ARHGAP18: variants seen among roughly 807,000 people sequenced by gnomAD.
ARHGAP18 encodes rho GTPase-activating protein 18.
A neutral mutation model predicts 86.2 loss-of-function variants in ARHGAP18; 67 were observed. The observed-to-expected ratio is 0.78, with a 90% CI of 0.64 to 0.95. The LOEUF (loss-of-function observed/expected upper bound fraction) is 0.95, where lower values mean the gene tolerates loss of function less well. Among genes scored for constraint, ARHGAP18 ranks in the 40% least tolerant of loss-of-function variants. The pLI, the probability that ARHGAP18 is intolerant of heterozygous loss-of-function variation, is 0.00. For missense variants in ARHGAP18, 691 were observed against 780.4 expected (o/e 0.89, Z 1.37); for synonymous variants, 283 against 280.4 (o/e 1.01, Z -0.09).
In ARHGAP18 at chr6:129,580,322, TTAAAA is replaced by T. The variant is rs375244520; in HGVS notation, c.1839-196_1839-192del. 5.9e-3 allele frequency among the ~76,000 whole-genome samples: 893 copies of T among 152,280 alleles called. 8 individuals carry two copies. The highest frequency in any genetic ancestry group is 0.021 in the African/African-American group (854 of 41,552). On this transcript the variant is annotated intron_variant, in intron 13 of 14. Coordinates refer to ENST00000368149, the MANE Select transcript of ARHGAP18 (RefSeq NM_033515.3). ...GTAATAAAAGTATCACACCTGTAAA[TTAAAA>T]TAAACAAATGGAATTATACATCTGA...
chr6:129,644,319 G>C (rs1773535368), intron 1 of ARHGAP18, among the ~76,000 whole-genome samples: 2 of 152,094 alleles, frequency 1.3e-5, no homozygotes, highest in African/African-American at 4.8e-5. Flanking sequence ...TTTTCTTGTA[G>C]AGTTTTCACT....
chr6:129,695,553 G>T (rs2114550678), intron 1 of ARHGAP18, among the ~76,000 whole-genome samples: 1 of 152,266 alleles, frequency 6.6e-6, no homozygotes, highest in African/African-American at 2.4e-5. Flanking sequence ...AGTTTAAAAG[G>T]GGATTAGTCT....
At chr6:129,662,916 T>G (rs1172549839) in intron 1 of ARHGAP18, among the ~76,000 whole-genome samples, 4 of 152,214 alleles carry the variant, frequency 2.6e-5, no homozygotes, top group Non-Finnish European at 5.9e-5. Context: ...ATGTAAATGT[T>G]AATTAAAATT....
chr6:129,687,886 C>T (rs528462816), intron 1 of ARHGAP18, among the ~76,000 whole-genome samples: 6 of 152,308 alleles, frequency 3.9e-5, no homozygotes, highest in African/African-American at 7.2e-5. Context: ...AACTCACCCA[C>T]GGTCAGTTAA....
chr6:129,629,581 T>C, intron 4 of ARHGAP18, 59 bp from the exon 5 acceptor site: 1 of 1,515,972 alleles, frequency 6.6e-7, no homozygotes, highest in East Asian at 2.3e-5. Flanking sequence ...TTAAAAAAAA[T>C]TCTAATGCAT....
chr6:129,625,356 ATT>A (rs1162370549), intron 5 of ARHGAP18, among the ~76,000 whole-genome samples: 1,352 of 71,198 alleles, frequency 0.019, 302 homozygotes, highest in African/African-American at 0.089. Flanking sequence ...TGTAATATAT[ATT>A]ATGTATATTT....
intron 1 of ARHGAP18, among the ~76,000 whole-genome samples, chr6:129,691,554 G>GC: frequency 6.6e-6 from 1 of 152,064 alleles, no homozygotes. Flanking sequence ...AAACTTACTG[G>GC]CCAAGGGTTC....
chr6:129,636,085 A>G (rs1036312600), intron 3 of ARHGAP18, among the ~76,000 whole-genome samples: 1 of 152,224 alleles, frequency 6.6e-6, no homozygotes, highest in Admixed American at 6.5e-5. Flanking sequence ...ATTGGGAAGA[A>G]AATGTCATAA....
intron 1 of ARHGAP18, among the ~76,000 whole-genome samples, chr6:129,699,110 T>G (rs2006182): frequency 6.6e-6 from 1 of 151,992 alleles, no homozygotes; most frequent in Non-Finnish European, 1.5e-5. Context: ...GTGCTGGGAT[T>G]CACAGGCATG....
At chr6:129,590,532 G>T (rs1019194580) in intron 12 of ARHGAP18, among the ~76,000 whole-genome samples, 1 of 152,276 alleles carries the variant, frequency 6.6e-6, no homozygotes, top group Middle Eastern at 3.4e-3. Context: ...CTCTCCTACA[G>T]ATTCCTTCTG....
intron 1 of ARHGAP18, among the ~76,000 whole-genome samples, chr6:129,645,457 T>C (rs149890287): frequency 6.6e-6 from 1 of 152,176 alleles, no homozygotes; most frequent in Non-Finnish European, 1.5e-5. Flanking sequence ...AGTTGACACA[T>C]GGTGTTGAAA....
chr6:129,621,488 C>A (rs1001836143), intron 5 of ARHGAP18, among the ~76,000 whole-genome samples: 1 of 152,098 alleles, frequency 6.6e-6, no homozygotes, highest in Non-Finnish European at 1.5e-5. Context: ...GCACAGGGCT[C>A]AAGAGAGTGG....
chr6:129,636,586 T>C (rs4310078), intron 3 of ARHGAP18, among the ~76,000 whole-genome samples: 9,445 of 152,248 alleles, frequency 0.062, 425 homozygotes, highest in Middle Eastern at 0.11. Context: ...AGCAAGTTAC[T>C]TAAAATCTGG....
Position 129,710,106 on chromosome 6 carries a change from C to T in ARHGAP18, c.31G>A (p.Val11Ile), listed in dbSNP as rs1362685336. 1.2e-6 allele frequency: 2 copies of T among 1,613,808 alleles called. No homozygotes were observed. The highest frequency in any genetic ancestry group is 8.5e-7 in the Non-Finnish European group (1 of 1,179,882). Reference protein sequence around the residue: MSWLSSSQGVVLTAYHPSGKD... With the variant: MSWLSSSQGVILTAYHPSGKD... ...CCGCTGGGGTGGTAGGCTGTTAGTA[C>T]CACTCCCTGGGAACTGGAGAGCCAG... The change falls in exon 1 of 15, where the codon GTA becomes ATA. Residue 11 changes from valine to isoleucine, a missense_variant. Coordinates refer to ENST00000368149, the MANE Select transcript of ARHGAP18 (RefSeq NM_033515.3).
intron 1 of ARHGAP18, among the ~76,000 whole-genome samples, chr6:129,709,176 G>C (rs923667912): frequency 2.0e-5 from 3 of 152,118 alleles, no homozygotes; most frequent in Non-Finnish European, 4.4e-5. Context: ...TAGTGTTCTA[G>C]GCTATTAGGT....
At chr6:129,618,882 G>A in intron 5 of ARHGAP18, 30 bp from the exon 6 acceptor site, 2 of 1,592,328 alleles carry the variant, frequency 1.3e-6, no homozygotes, top group Non-Finnish European at 1.7e-6. Flanking sequence ...TATAGTAAAA[G>A]CTTACAGTAC....
At chr6:129,648,225 G>A (rs1365223295) in intron 1 of ARHGAP18, among the ~76,000 whole-genome samples, 2 of 151,468 alleles carry the variant, frequency 1.3e-5, no homozygotes, top group Non-Finnish European at 2.9e-5. Context: ...AGGCTGAAGT[G>A]CAGTCCACAA....
At chr6:129,629,783 A>G (rs1459370294) in intron 4 of ARHGAP18, among the ~76,000 whole-genome samples, 1 of 152,168 alleles carries the variant, frequency 6.6e-6, no homozygotes, top group Non-Finnish European at 1.5e-5. Context: ...CTGGGTTCCA[A>G]TTCCAAAACA....
chr6:129,684,355 C>A (rs747959998), intron 1 of ARHGAP18, among the ~76,000 whole-genome samples: 4 of 152,142 alleles, frequency 2.6e-5, no homozygotes, highest in Admixed American at 2.0e-4. Context: ...TTTAAGATAG[C>A]ATGCCTAGGA....
Sources: allele counts gnomAD v4.1 joint callset (sites outside exome capture counted in the v4.1 genomes callset), GRCh38; gene constraint gnomAD v4.1.1; transcripts MANE v1.5; gene names NCBI Gene and HGNC (gene_info 2026-07-23, HGNC 2026-07-21).